GREB1L: variants seen among roughly 807,000 people sequenced by gnomAD.
GREB1L encodes the protein GREB1-like protein.
GREB1L carries 17 observed loss-of-function variants against 200.8 expected under a neutral mutation model. The observed-to-expected ratio is 0.08, with a 90% CI of 0.06 to 0.13. The LOEUF is 0.13. Ranked by LOEUF, GREB1L falls within the 10% of genes least tolerant of loss-of-function variation. GREB1L has a pLI of 1.00. For synonymous variants in GREB1L, 789 were observed against 893.0 expected (o/e 0.88, Z 2.08); for missense variants, 1,657 against 2,367.7 (o/e 0.70, Z 6.23).
At chr18:21,354,060 A>G (rs1346278820) in intron 1 of GREB1L, among the ~76,000 whole-genome samples, 1 of 152,158 alleles carries the variant, frequency 6.6e-6, no homozygotes, top group African/African-American at 2.4e-5. Context: ...AAGTGCTGGG[A>G]TTACAGGTGT....
chr18:21,375,972 T>C (rs1225666772), intron 2 of GREB1L, among the ~76,000 whole-genome samples: 2 of 152,186 alleles, frequency 1.3e-5, no homozygotes, highest in Non-Finnish European at 1.5e-5. Flanking sequence ...ATGCCTGCCA[T>C]TGTAACATGT....
intron 15 of GREB1L, among the ~76,000 whole-genome samples, chr18:21,463,732 C>T (rs1040383642): frequency 6.6e-6 from 1 of 152,124 alleles, no homozygotes; most frequent in African/African-American, 2.4e-5. Flanking sequence ...CACATGCCAC[C>T]ACACTTGGCT....
chr18:21,468,046 C>G (rs867010643), intron 15 of GREB1L, among the ~76,000 whole-genome samples: 1 of 147,596 alleles, frequency 6.8e-6, no homozygotes, highest in Non-Finnish European at 1.5e-5. Context: ...AAAAAAGATA[C>G]GAAATGAGAG....
At chr18:21,343,368 T>C (rs2039295524) in intron 1 of GREB1L, among the ~76,000 whole-genome samples, 1 of 152,190 alleles carries the variant, frequency 6.6e-6, no homozygotes, top group African/African-American at 2.4e-5. Context: ...GATCTCTAGA[T>C]TATAACCCAA....
chr18:21,298,654 T>A (rs769506830), intron 1 of GREB1L, among the ~76,000 whole-genome samples: 15 of 152,202 alleles, frequency 9.9e-5, no homozygotes, highest in Non-Finnish European at 1.5e-4. Context: ...CATATACATT[T>A]GTGTTTTTCA....
At chr18:21,381,912 T>C (rs75087169) in intron 2 of GREB1L, among the ~76,000 whole-genome samples, 2,260 of 152,170 alleles carry the variant, frequency 0.015, 59 homozygotes, top group African/African-American at 0.051. Context: ...AGATCGAGAG[T>C]AAAAGTCAAC....
rs1342122988 is a variant in GREB1L, at chr18:21,522,732, G to A, written c.5683G>A (p.Glu1895Lys). ...AATTGTCCGCTTAGAGCTAGAAGATGAGTGGCAGTTCCGCCTCCGGGACGA... is the reference window on the plus strand; with the variant it reads ...AATTGTCCGCTTAGAGCTAGAAGATAAGTGGCAGTTCCGCCTCCGGGACGA... ...QTIVRLELED[E>K]WQFRLRDEFQ... Residue 1895 changes from glutamate (E) to lysine (K), a missense_variant, in exon 33 of 33, where the codon GAG (glutamate) becomes AAG (lysine). Around this residue, in one of 9 missense-constraint regions of GREB1L, gnomAD observed 190 missense variants for 230.2 expected, o/e 0.83. Transcript: ENST00000424526. 1.3e-6 allele frequency: 2 copies of A among 1,551,710 alleles called. No homozygotes were observed. The highest frequency in any genetic ancestry group is 1.7e-6 in the Non-Finnish European group (2 of 1,146,982).
intron 17 of GREB1L, among the ~76,000 whole-genome samples, chr18:21,484,592 G>A (rs561571426): frequency 5.9e-5 from 9 of 152,242 alleles, no homozygotes; most frequent in East Asian, 3.9e-4. Context: ...CAAGGCGGGC[G>A]GATCACCTGA....
At chr18:21,308,896 T>C (rs1437954508) in intron 1 of GREB1L, among the ~76,000 whole-genome samples, 2 of 152,212 alleles carry the variant, frequency 1.3e-5, no homozygotes, top group Non-Finnish European at 2.9e-5. Context: ...CCTGTTCTAT[T>C]CTAGCCTCCA....
chr18:21,336,729 C>A (rs765055494), intron 1 of GREB1L, among the ~76,000 whole-genome samples: 1 of 152,188 alleles, frequency 6.6e-6, no homozygotes, highest in Non-Finnish European at 1.5e-5. Flanking sequence ...CTAACTTTAG[C>A]AAGCCAGAGC....
Position 21,317,123 on chromosome 18 carries a change from G to A in GREB1L, c.-119-48904G>A, listed in dbSNP as rs150382515. 1.4e-4 allele frequency among the ~76,000 whole-genome samples: 22 copies of A among 151,926 alleles called. No individual in the cohort carries two copies. In the East Asian group the frequency reaches 3.3e-3, roughly 23 times the overall value. On this transcript the variant is annotated intron_variant, in intron 1 of 32. Coordinates refer to ENST00000424526, the MANE Select transcript of GREB1L (RefSeq NM_001142966.3). ...CCTATCCAAGCGGGTGCCGTGTTAC[G>A]TGCCTATAATCGCAGCTATGCAGGA...
intron 30 of GREB1L, 124 bp from the exon 31 acceptor site, chr18:21,517,910 C>T: frequency 2.8e-6 from 2 of 708,102 alleles, no homozygotes; most frequent in Non-Finnish European, 4.8e-6. Context: ...TACATTTGAA[C>T]CTAGCACCCC....
In GREB1L at chr18:21,522,941, C is replaced by A; in HGVS notation, c.*120C>A. The stretch of plus-strand genomic sequence containing the variant: ...GTGGAGCAAAGTGCAACATATTTGT[C>A]TAAATTCTCCAAAGAACTCCCCAAA... On this transcript the variant is annotated 3_prime_UTR_variant, in exon 33 of 33. Transcript: ENST00000424526. 1 of 919,100 alleles carries A rather than the reference C, an allele frequency of 1.1e-6. No homozygotes were observed. The highest frequency in any genetic ancestry group is 1.6e-6 in the Non-Finnish European group (1 of 635,416). The allele number at this position is 919,100 out of a possible 1,614,324, so 56.9% of individuals were successfully genotyped here. A position where few individuals can be genotyped will look rare whatever the true frequency, so the allele number is the denominator to read the frequency against.
intron 8 of GREB1L, 41 bp from the exon 9 acceptor site, chr18:21,440,228 A>G: frequency 1.3e-6 from 2 of 1,549,424 alleles, no homozygotes; most frequent in South Asian, 2.4e-5. Context: ...ATGGCTGAGA[A>G]CAAGACTATC....
intron 20 of GREB1L, among the ~76,000 whole-genome samples, chr18:21,496,155 G>A (rs1224806366): frequency 6.6e-6 from 1 of 152,134 alleles, no homozygotes; most frequent in African/African-American, 2.4e-5. Context: ...AAAAGCATTA[G>A]CTGAATGCTT....
intron 17 of GREB1L, among the ~76,000 whole-genome samples, chr18:21,483,813 T>C (rs548072118): frequency 6.8e-6 from 1 of 147,426 alleles, no homozygotes; most frequent in Non-Finnish European, 1.5e-5. Flanking sequence ...TAATCTCTAC[T>C]AAAAATACAA....
At chr18:21,282,958 C>T (rs1387161142) in intron 1 of GREB1L, among the ~76,000 whole-genome samples, 3 of 152,174 alleles carry the variant, frequency 2.0e-5, no homozygotes, top group Non-Finnish European at 4.4e-5. Context: ...ATGTATTGTA[C>T]GTTAATTACC....
intron 4 of GREB1L, among the ~76,000 whole-genome samples, chr18:21,388,139 C>T (rs2040620355): frequency 6.6e-6 from 1 of 152,112 alleles, no homozygotes; most frequent in Non-Finnish European, 1.5e-5. Context: ...TTCTTCTGGA[C>T]CCTGTTCCTA....
intron 25 of GREB1L, among the ~76,000 whole-genome samples, chr18:21,507,629 T>C (rs2037067955): frequency 6.6e-6 from 1 of 152,220 alleles, no homozygotes. Context: ...GCTAAATGAT[T>C]GAACCTCTTC....
Sources: gnomAD v4.1 joint callset for allele counts (sites outside exome capture counted in the v4.1 genomes callset) on GRCh38, gnomAD v4.1.1 for gene constraint, gnomAD v4.1.1 regional missense constraint, MANE v1.5 for transcripts, NCBI Gene and HGNC (gene_info 2026-07-23, HGNC 2026-07-21) for gene names.